TMEM164: variants seen among roughly 807,000 people sequenced by gnomAD.
TMEM164 encodes RP13-360B22.2.
A neutral mutation model predicts 18.8 loss-of-function variants in TMEM164; 4 were observed. The ratio of observed to expected loss-of-function variants is 0.21; its 90% CI spans 0.10 to 0.49. The LOEUF is 0.49. Ranked by LOEUF, TMEM164 falls within the 20% of genes least tolerant of loss-of-function variation. The probability of loss-of-function intolerance (pLI) is 0.98; values close to 1 mark genes in which losing one functional copy is unlikely to be tolerated. For synonymous variants in TMEM164, 86 were observed against 101.7 expected, an observed-to-expected ratio of 0.85 and a Z score of 0.93; for missense variants, 108 against 239.9, an observed-to-expected ratio of 0.45 and a Z score of 3.63.
chrX:110,179,942 A>G (rs144327919), downstream of TMEM164, among the ~76,000 whole-genome samples: 166 of 112,012 alleles, frequency 1.5e-3, 1 homozygote, highest in East Asian at 0.043. Context: ...TGCCCATCCT[A>G]TGAATTCTCC....
intron 4 of TMEM164, among the ~76,000 whole-genome samples, chrX:110,144,405 C>T (rs746619065): frequency 1.8e-5 from 2 of 112,152 alleles, no homozygotes; most frequent in South Asian, 7.4e-4. Context: ...AAAAGAATCA[C>T]TTGCTAAATA....
chrX:110,073,901 A>C (rs1434058649), intron 3 of TMEM164, among the ~76,000 whole-genome samples: 3 of 110,958 alleles, frequency 2.7e-5, no homozygotes, highest in Non-Finnish European at 5.7e-5. Flanking sequence ...TCTTTGAGAC[A>C]GAATCTCGCT....
chrX:110,028,601 A>G (rs1480096302), intron 2 of TMEM164, among the ~76,000 whole-genome samples: 2 of 112,184 alleles, frequency 1.8e-5, no homozygotes, highest in Admixed American at 9.4e-5. Context: ...TTCTTAACTC[A>G]TGGGTTGTTT....
At chrX:110,095,730 G>T (rs2066006727) in intron 3 of TMEM164, among the ~76,000 whole-genome samples, 5 of 112,482 alleles carry the variant, frequency 4.4e-5, no homozygotes, top group Admixed American at 1.9e-4. Context: ...TTGCTAGCGA[G>T]GAGCTATGTT....
At chrX:110,145,257 G>A (rs936470144) in intron 5 of TMEM164, among the ~76,000 whole-genome samples, 7 of 111,129 alleles carry the variant, frequency 6.3e-5, no homozygotes, top group Admixed American at 2.9e-4. Context: ...TAAAGCACTC[G>A]GTCCCCTCAA....
rs1932516297 is a variant in TMEM164 at position 110,004,021 on chromosome X, C to A, written c.247C>A (p.Pro83Thr). 8.3e-7 allele frequency: 1 copy of A among 1,209,323 alleles called. No homozygotes were observed. The highest frequency in any genetic ancestry group is 1.8e-5 in the African/African-American group (1 of 56,898). Residue 83 changes from proline (P) to threonine (T), a missense_variant, in exon 2 of 7, where the codon CCA (proline) becomes ACA (threonine). Physicochemically the swap from Pro to Thr is conservative, Grantham distance 38. Transcript: ENST00000372068. ...CCAGCCAGAGCAGGTGACCCAGCGG[C>A]CAGAGGAAGGCAAGGAGAGCCTGAG... ...GSQPEQVTQR[P>T]EEGKESLSKN... is the part of the protein sequence containing the mutation.
chrX:110,046,591 T>C, intron 2 of TMEM164: 1 of 512,391 alleles, frequency 2.0e-6, no homozygotes, highest in Non-Finnish European at 2.4e-6. Flanking sequence ...GAGTTTCTCT[T>C]CTGGTGTCAC....
intron 5 of TMEM164, among the ~76,000 whole-genome samples, chrX:110,155,036 A>G (rs2066997322): frequency 9.0e-6 from 1 of 111,599 alleles, no homozygotes; most frequent in Admixed American, 9.5e-5. Flanking sequence ...TTAATTACCC[A>G]CTGTTCTGCC....
chrX:110,115,831 T>A (rs745948052), intron 4 of TMEM164, among the ~76,000 whole-genome samples: 2 of 112,270 alleles, frequency 1.8e-5, no homozygotes, highest in South Asian at 3.7e-4. Flanking sequence ...GGCTCATACC[T>A]GTAATCCCAA....
intron 5 of TMEM164, 113 bp downstream of exon 5, chrX:110,144,989 T>A: frequency 1.9e-6 from 1 of 536,001 alleles, no homozygotes; most frequent in Non-Finnish European, 3.1e-6. Flanking sequence ...GCCGCTTGAC[T>A]GAGTTTCTTC....
At chrX:110,082,882 T>G (rs758112381) in intron 3 of TMEM164, among the ~76,000 whole-genome samples, 1 of 111,667 alleles carries the variant, frequency 9.0e-6, no homozygotes, top group African/African-American at 3.3e-5. Flanking sequence ...TTTACATATT[T>G]TATTCTGTAG....
chrX:110,048,148 A>G (rs764585013), intron 2 of TMEM164, among the ~76,000 whole-genome samples: 2 of 108,916 alleles, frequency 1.8e-5, no homozygotes, highest in Admixed American at 1.9e-4. Flanking sequence ...GCATCTTTGT[A>G]ACCTCTATAC....
chrX:110,146,715 C>G (rs1370472666), intron 5 of TMEM164, among the ~76,000 whole-genome samples: 1 of 111,645 alleles, frequency 9.0e-6, no homozygotes, highest in Non-Finnish European at 1.9e-5. Flanking sequence ...GGGCTCATCT[C>G]CCATCTCCCT....
chrX:110,180,396 A>G (rs775356955), downstream of TMEM164, among the ~76,000 whole-genome samples: 17 of 112,350 alleles, frequency 1.5e-4, no homozygotes, highest in African/African-American at 3.9e-4. Context: ...GACAAATGCA[A>G]TGGTTTAATC....
At chrX:110,140,196 G>T (rs1401710768) in intron 4 of TMEM164, among the ~76,000 whole-genome samples, 1 of 111,624 alleles carries the variant, frequency 9.0e-6, no homozygotes, top group African/African-American at 3.3e-5. Context: ...GCAACAGAAA[G>T]GAGTAGTGGG....
intron 3 of TMEM164, among the ~76,000 whole-genome samples, chrX:110,099,565 T>C (rs2066078588): frequency 1.8e-5 from 2 of 112,697 alleles, no homozygotes; most frequent in South Asian, 7.2e-4. Flanking sequence ...GTTTCATTGA[T>C]TGATGTGTCT....
intron 2 of TMEM164, among the ~76,000 whole-genome samples, chrX:110,053,036 C>T (rs765230137): frequency 2.4e-4 from 27 of 111,521 alleles, no homozygotes; most frequent in African/African-American, 8.5e-4. Flanking sequence ...CAGGCGTGAG[C>T]CACCATGCCT....
intron 2 of TMEM164, among the ~76,000 whole-genome samples, chrX:110,019,201 T>C (rs2147709904): frequency 9.0e-6 from 1 of 111,373 alleles, no homozygotes; most frequent in African/African-American, 3.3e-5. Context: ...GTTCCTTCAG[T>C]ACTCTTATCT....
chrX:110,100,161 C>T (rs1215523662), intron 3 of TMEM164, among the ~76,000 whole-genome samples: 2 of 110,991 alleles, frequency 1.8e-5, no homozygotes, highest in South Asian at 3.9e-4. Context: ...TCTTCCTTTT[C>T]GATCTCTATT....
Sources: allele counts gnomAD v4.1 joint callset (sites outside exome capture counted in the v4.1 genomes callset), GRCh38; gene constraint gnomAD v4.1.1; transcripts MANE v1.5; gene names NCBI Gene and HGNC (gene_info 2026-07-23, HGNC 2026-07-21).